TGFB2: variants seen among roughly 807,000 people sequenced by gnomAD.
TGFB2 encodes the protein transforming growth factor beta 2.
TGFB2 carries 13 observed loss-of-function variants against 42.7 expected under a neutral mutation model. The observed-to-expected ratio is 0.30, with a 90% CI of 0.20 to 0.48. The LOEUF is 0.48. Among genes scored for constraint, TGFB2 ranks in the 20% least tolerant of loss-of-function variants. The pLI, the probability that TGFB2 is intolerant of heterozygous loss-of-function variation, is 0.99. For synonymous variants in TGFB2, 193 were observed against 193.6 expected (o/e 1.00, Z 0.03); for missense variants, 390 against 517.5 (o/e 0.75, Z 2.39).
At chr1:218,438,314 A>G (rs896935241) in intron 6 of TGFB2, among the ~76,000 whole-genome samples, 3 of 152,194 alleles carry the variant, frequency 2.0e-5, no homozygotes, top group Non-Finnish European at 4.4e-5. Context: ...AAAATCTGCT[A>G]TCATCTCCAT....
At chr1:218,422,103 C>T (rs904394307) in intron 2 of TGFB2, among the ~76,000 whole-genome samples, 10 of 152,216 alleles carry the variant, frequency 6.6e-5, no homozygotes, top group African/African-American at 1.2e-4. Flanking sequence ...CAAGCCAACT[C>T]TCCCTAAATC....
chr1:218,431,706 T>C (rs2102623735), intron 2 of TGFB2, among the ~76,000 whole-genome samples: 1 of 152,332 alleles, frequency 6.6e-6, no homozygotes, highest in South Asian at 2.1e-4. Context: ...AGGGGAAGAA[T>C]TTAGAGACAA....
At chr1:218,404,773 C>T (rs900700252) in intron 1 of TGFB2, among the ~76,000 whole-genome samples, 1 of 152,134 alleles carries the variant, frequency 6.6e-6, no homozygotes, top group South Asian at 2.1e-4. Flanking sequence ...AAACTGCTGG[C>T]CATTAGGAAC....
rs542276273 is a variant in TGFB2 at position 218,395,696 on chromosome 1, C to T, written c.347-9473C>T. Among the ~76,000 whole-genome samples, 6 of 151,120 alleles carry T rather than the reference C, an allele frequency of 4.0e-5. No homozygotes were observed. In the South Asian group the frequency reaches 1.3e-3, roughly 32 times the overall value. On this transcript the variant is annotated intron_variant, in intron 1 of 6. Transcript: ENST00000366930. ...GCGCAATCTCGGCTCACTGCAAGCTCTGCCTCCTGGGTTCACACCATTCTC... is the reference window on the plus strand; with the variant it reads ...GCGCAATCTCGGCTCACTGCAAGCTTTGCCTCCTGGGTTCACACCATTCTC...
At chr1:218,416,350 G>A (rs1659279853) in intron 2 of TGFB2, among the ~76,000 whole-genome samples, 1 of 151,594 alleles carries the variant, frequency 6.6e-6, no homozygotes, top group African/African-American at 2.4e-5. Flanking sequence ...CCTCCTTTAG[G>A]GCAAAAGCTG....
intron 1 of TGFB2, among the ~76,000 whole-genome samples, chr1:218,369,681 G>C (rs1043334459): frequency 6.6e-6 from 1 of 152,148 alleles, no homozygotes; most frequent in African/African-American, 2.4e-5. Flanking sequence ...TCTTTGACAT[G>C]ATGGCCAGGG....
intron 2 of TGFB2, among the ~76,000 whole-genome samples, chr1:218,413,997 A>G (rs1364326661): frequency 1.3e-5 from 2 of 152,292 alleles, no homozygotes; most frequent in East Asian, 3.9e-4. Flanking sequence ...GGGGGGAGTG[A>G]ATCATCAGCT....
intron 1 of TGFB2, among the ~76,000 whole-genome samples, chr1:218,353,082 A>G (rs1008053932): frequency 1.3e-5 from 2 of 152,220 alleles, no homozygotes; most frequent in African/African-American, 2.4e-5. Flanking sequence ...ATGTGCCACT[A>G]AGAAAAAAAT....
chr1:218,415,476 C>T (rs1659244240), intron 2 of TGFB2, among the ~76,000 whole-genome samples: 1 of 151,888 alleles, frequency 6.6e-6, no homozygotes, highest in East Asian at 1.9e-4. Context: ...GGGTGGAACA[C>T]TTGAGGTCAG....
intron 1 of TGFB2, among the ~76,000 whole-genome samples, chr1:218,364,732 G>A (rs1657331424): frequency 6.6e-6 from 1 of 152,116 alleles, no homozygotes; most frequent in African/African-American, 2.4e-5. Flanking sequence ...GGCCTAAGCT[G>A]GGGTTTCCTC....
intron 2 of TGFB2, among the ~76,000 whole-genome samples, chr1:218,416,574 T>G (rs1240249079): frequency 5.9e-5 from 9 of 152,208 alleles, no homozygotes; most frequent in Non-Finnish European, 1.5e-5. Context: ...CTGATTTTAC[T>G]GGTTCTTATA....
At chr1:218,384,494 T>C (rs1002155432) in intron 1 of TGFB2, among the ~76,000 whole-genome samples, 3 of 152,246 alleles carry the variant, frequency 2.0e-5, no homozygotes, top group South Asian at 4.1e-4. Flanking sequence ...ACTTATTAGC[T>C]GTGTGACCTT....
intron 2 of TGFB2, among the ~76,000 whole-genome samples, chr1:218,416,567 A>G (rs1355357091): frequency 1.3e-5 from 2 of 152,110 alleles, no homozygotes; most frequent in Non-Finnish European, 2.9e-5. Context: ...CATTCAGCTG[A>G]TTTTACTGGT....
intron 1 of TGFB2, among the ~76,000 whole-genome samples, chr1:218,361,589 T>C (rs772214364): frequency 2.0e-5 from 3 of 152,172 alleles, no homozygotes; most frequent in East Asian, 1.9e-4. Context: ...GGGCCATAGT[T>C]TGAAGAAAAA....
intron 1 of TGFB2, among the ~76,000 whole-genome samples, chr1:218,351,993 C>T (rs532152243): frequency 6.6e-6 from 1 of 152,152 alleles, no homozygotes; most frequent in Non-Finnish European, 1.5e-5. Context: ...ACACTTTAGG[C>T]TGCATATTTA....
chr1:218,397,504 C>T (rs1191318722), intron 1 of TGFB2, among the ~76,000 whole-genome samples: 1 of 147,408 alleles, frequency 6.8e-6, no homozygotes, highest in Non-Finnish European at 1.5e-5. Flanking sequence ...GCTGAGCTTG[C>T]AGTGAGCCGA....
chr1:218,348,190 A>C (rs1405116329), intron 1 of TGFB2, among the ~76,000 whole-genome samples: 1 of 152,148 alleles, frequency 6.6e-6, no homozygotes, highest in Non-Finnish European at 1.5e-5. Flanking sequence ...GAACCTCTTC[A>C]ACATTTGTGT....
chr1:218,427,622 A>G lies in TGFB2; in HGVS notation c.511-6460A>G, dbSNP rs542168345. ...TCCTTGCGATAGTTTGCTGAGAATGATGGTTTCTAGCTTCATCCATGTCCC... is the reference window on the plus strand; with the variant it reads ...TCCTTGCGATAGTTTGCTGAGAATGGTGGTTTCTAGCTTCATCCATGTCCC... On this transcript the variant is annotated intron_variant, in intron 2 of 6. Transcript: ENST00000366930. Among the ~76,000 whole-genome samples the G allele has an allele frequency of 1.6e-4, 24 of 152,164 alleles. No individual in the cohort carries two copies. The South Asian group carries it at 5.0e-3, about 32-fold the overall frequency.
chr1:218,389,820 C>A (rs1299080198), intron 1 of TGFB2, among the ~76,000 whole-genome samples: 1 of 152,110 alleles, frequency 6.6e-6, no homozygotes, highest in Non-Finnish European at 1.5e-5. Context: ...ACATGTCTAA[C>A]CTTTAAGAGT....
Sources: allele counts gnomAD v4.1 joint callset (sites outside exome capture counted in the v4.1 genomes callset), GRCh38; gene constraint gnomAD v4.1.1; transcripts MANE v1.5; gene names NCBI Gene and HGNC (gene_info 2026-07-23, HGNC 2026-07-21).